The following MYO3A variants were observed in gnomAD, a reference collection of about 807,000 sequenced individuals.
The protein encoded by MYO3A is myosin IIIA.
A neutral mutation model predicts 192.7 loss-of-function variants in MYO3A; 180 were observed. That is an observed-to-expected ratio of 0.93 (90% CI 0.83 to 1.06). The LOEUF (loss-of-function observed/expected upper bound fraction) is 1.06. MYO3A is among the 50% of genes least tolerant of loss of function. The pLI is 0.00. For synonymous variants in MYO3A, 628 were observed against 645.3 expected (o/e 0.97, Z 0.41); for missense variants, 1,896 against 1,905.0 (o/e 1.00, Z 0.09).
chr10:26,184,008 C>T (rs1334246555), intron 31 of MYO3A, among the ~76,000 whole-genome samples: 1 of 152,090 alleles, frequency 6.6e-6, no homozygotes, highest in South Asian at 2.1e-4. Flanking sequence ...GTTAGAGCCC[C>T]GGAATTCGAG....
chr10:26,181,171 T>G (rs1276583505), intron 31 of MYO3A, among the ~76,000 whole-genome samples: 1 of 152,156 alleles, frequency 6.6e-6, no homozygotes, highest in Non-Finnish European at 1.5e-5. Flanking sequence ...TGTCTCTGAT[T>G]TGGGATGAGG....
chr10:25,970,375 G>A (rs79249629), intron 4 of MYO3A, among the ~76,000 whole-genome samples: 14,555 of 151,934 alleles, frequency 0.096, 1,238 homozygotes, highest in African/African-American at 0.22. Flanking sequence ...CAAAAGAAAA[G>A]TGTGAAAATA....
At chr10:25,994,823 T>A (rs1303966439) in intron 4 of MYO3A, among the ~76,000 whole-genome samples, 2 of 152,214 alleles carry the variant, frequency 1.3e-5, no homozygotes, top group African/African-American at 4.8e-5. Flanking sequence ...TCTTTAAGAA[T>A]GTTGAATATT....
chr10:26,017,001 A>G (rs1588785265), intron 7 of MYO3A, 105 bp downstream of exon 7: 1 of 1,206,144 alleles, frequency 8.3e-7, no homozygotes, highest in East Asian at 2.4e-5. Flanking sequence ...TAACAGAAGA[A>G]ACTCTCAGTT....
chr10:26,011,481 C>T (rs1276883788), intron 6 of MYO3A, among the ~76,000 whole-genome samples: 1 of 151,922 alleles, frequency 6.6e-6, no homozygotes, highest in African/African-American at 2.4e-5. Flanking sequence ...ACTTAGTTTA[C>T]ATTATTTAAA....
At chr10:26,041,172 G>A (rs1843326098) in intron 10 of MYO3A, among the ~76,000 whole-genome samples, 1 of 151,798 alleles carries the variant, frequency 6.6e-6, no homozygotes, top group African/African-American at 2.4e-5. Flanking sequence ...TATAGTTTTT[G>A]TCTTGAAATC....
chr10:25,994,298 G>A (rs528938890), intron 4 of MYO3A, among the ~76,000 whole-genome samples: 3 of 152,200 alleles, frequency 2.0e-5, no homozygotes, highest in South Asian at 2.1e-4. Context: ...GATCTTTGTT[G>A]GTTTAAAGTC....
intron 32 of MYO3A, 109 bp downstream of exon 32, chr10:26,193,420 G>C: frequency 1.1e-6 from 1 of 893,342 alleles, no homozygotes; most frequent in Middle Eastern, 2.2e-4. Flanking sequence ...TGGCAGGACA[G>C]AGATGCGCTT....
At chr10:25,970,973 A>G (rs1302621688) in intron 4 of MYO3A, among the ~76,000 whole-genome samples, 1 of 152,088 alleles carries the variant, frequency 6.6e-6, no homozygotes, top group African/African-American at 2.4e-5. Flanking sequence ...TCACTGGTGA[A>G]TTCTGTCAAA....
intron 14 of MYO3A, 88 bp from the exon 15 acceptor site, chr10:26,088,115 A>G (rs912963341): frequency 1.9e-6 from 2 of 1,065,044 alleles, no homozygotes; most frequent in African/African-American, 3.2e-5. Context: ...TTATATCTAC[A>G]TAAATTGCTT....
At chr10:25,998,819 A>G (rs182582296) in intron 6 of MYO3A, among the ~76,000 whole-genome samples, 75 of 152,330 alleles carry the variant, frequency 4.9e-4, no homozygotes, top group African/African-American at 1.8e-3. Flanking sequence ...GTAAATTCCT[A>G]TGATTTCCTC....
rs577444488 is a variant in MYO3A at position 25,961,016 on chromosome 10, G to C, written c.303+6008G>C. Reference sequence around the variant, plus strand: ...CTAAACCATTTTGCCTTACATTAATGGATAATTTTAGAGTTTAATTCTTGT... The same window carrying C: ...CTAAACCATTTTGCCTTACATTAATCGATAATTTTAGAGTTTAATTCTTGT... On this transcript the variant is annotated intron_variant, in intron 4 of 34. Coordinates refer to ENST00000642920, the MANE Select transcript of MYO3A (RefSeq NM_017433.5). Among the ~76,000 whole-genome samples, 7 of 152,242 alleles carry C rather than the reference G, an allele frequency of 4.6e-5. No homozygotes were observed. In the East Asian group the frequency reaches 1.3e-3, roughly 29 times the overall value.
At chr10:25,934,710 G>T (rs549767093) in intron 1 of MYO3A, among the ~76,000 whole-genome samples, 225 of 150,240 alleles carry the variant, frequency 1.5e-3, no homozygotes, top group Non-Finnish European at 1.7e-3. Context: ...CCTGAGGGGT[G>T]GACTTGAGGG....
At chr10:26,028,193 A>C (rs1380890904) in intron 10 of MYO3A, among the ~76,000 whole-genome samples, 1 of 152,236 alleles carries the variant, frequency 6.6e-6, no homozygotes, top group African/African-American at 2.4e-5. Context: ...ATTTTATGAT[A>C]ACCCATTTTC....
chr10:26,036,190 C>T (rs763842663), intron 10 of MYO3A, among the ~76,000 whole-genome samples: 43 of 152,036 alleles, frequency 2.8e-4, no homozygotes, highest in African/African-American at 1.0e-3. Flanking sequence ...CTGCCCGCCT[C>T]GACCTCCCAA....
At chr10:26,002,541 T>G (rs980323258) in intron 6 of MYO3A, among the ~76,000 whole-genome samples, 1 of 151,142 alleles carries the variant, frequency 6.6e-6, no homozygotes, top group African/African-American at 2.4e-5. Flanking sequence ...GTAAGTGGTT[T>G]GGCAGGAAAA....
At chr10:25,954,269 C>T (rs1282974872) in intron 3 of MYO3A, among the ~76,000 whole-genome samples, 6 of 151,972 alleles carry the variant, frequency 3.9e-5, no homozygotes, top group African/African-American at 1.4e-4. Context: ...CATATATATG[C>T]GATTTTCTAG....
chr10:26,154,527 A>G (rs892219264), intron 24 of MYO3A, among the ~76,000 whole-genome samples: 3 of 152,216 alleles, frequency 2.0e-5, no homozygotes, highest in Admixed American at 2.0e-4. Context: ...CTAAAAATGT[A>G]CTAGTGAAGA....
In MYO3A at chr10:25,954,982, G is replaced by T; in HGVS notation, c.277G>T (p.Gly93Ter). Residue 93 changes from glycine (G) to a stop codon, truncating the protein, a stop_gained, in exon 4 of 35, where the codon GGA (glycine) becomes TGA (stop). Coordinates refer to ENST00000642920, the MANE Select transcript of MYO3A (RefSeq NM_017433.5). LOFTEE classifies it high-confidence loss of function. ...GIYFKKDKVN[G>*]DKLWLVLELC... Reference sequence around the variant, plus strand: ...ATACTTTAAGAAGGATAAAGTAAATGGAGACAAGCTGTGGTTGGTTCTTGA... The same window carrying T: ...ATACTTTAAGAAGGATAAAGTAAATTGAGACAAGCTGTGGTTGGTTCTTGA... 1 of 1,612,982 alleles carries T rather than the reference G, an allele frequency of 6.2e-7. No homozygotes were observed. Among genetic ancestry groups the T allele is most frequent in the South Asian group, 1.1e-5 (1 of 91,052 alleles).
Sources: allele counts gnomAD v4.1 joint callset (sites outside exome capture counted in the v4.1 genomes callset), GRCh38; gene constraint gnomAD v4.1.1; transcripts MANE v1.5; gene names NCBI Gene and HGNC (gene_info 2026-07-23, HGNC 2026-07-21).